NRXN2: variants seen among roughly 807,000 people sequenced by gnomAD.
NRXN2 encodes neurexin 2.
Under a neutral mutation model 128.8 loss-of-function variants are expected in NRXN2, and 29 were observed. That is an observed-to-expected ratio of 0.23 (90% CI 0.17 to 0.31). The LOEUF is 0.31. NRXN2 is among the 10% of genes least tolerant of loss of function. The probability of loss-of-function intolerance (pLI) is 1.00; values close to 1 mark genes in which losing one functional copy is unlikely to be tolerated. For missense variants in NRXN2, 1,881 were observed against 2,452.6 expected (o/e 0.77, Z 4.92); for synonymous variants, 1,098 against 1,075.2 (o/e 1.02, Z -0.41).
At chr11:64,652,181 GGGC>G (rs2047555292) in intron 12 of NRXN2, 27 bp from the exon 13 acceptor site, 1 of 1,603,564 alleles carries the variant, frequency 6.2e-7, no homozygotes, top group Admixed American at 1.7e-5. Flanking sequence ...GGAATGAGGA[GGGC>G]ACCTATACAT....
Position 64,615,829 on chromosome 11 carries a change from C to CGT in NRXN2, c.4252+4463_4252+4464dup, listed in dbSNP as rs34781745. 7.2e-3 allele frequency among the ~76,000 whole-genome samples: 1,001 copies of CGT among 139,074 alleles called. 3 individuals are homozygous for CGT. Among genetic ancestry groups the CGT allele is most frequent in the Middle Eastern group, 0.011 (3 of 282 alleles). The allele number at this position is 139,074 out of a possible 152,430, so 91.2% of individuals were successfully genotyped here. A position where few individuals can be genotyped will look rare whatever the true frequency, so the allele number is the denominator to read the frequency against. On this transcript the variant is annotated intron_variant, in intron 22 of 22. Transcript: ENST00000265459. ...CTGTGTGGGCTAATGTAGGCCCAAGCGTGTGTGTGTGTGTGTGTGTGTGTG... is the reference window on the plus strand; with the variant it reads ...CTGTGTGGGCTAATGTAGGCCCAAGCGTGTGTGTGTGTGTGTGTGTGTGTGTG...
At chr11:64,642,785 C>T in intron 17 of NRXN2, 1 of 1,164,834 alleles carries the variant, frequency 8.6e-7, no homozygotes, top group East Asian at 3.9e-5. Flanking sequence ...CCCCCCGGCC[C>T]GCTCCCCCCG....
At position 64,651,662 on chromosome 11, in the gene NRXN2, AG is replaced by A; in HGVS notation, c.2537-27del. On this transcript the variant is annotated intron_variant, in intron 13 of 22. Transcript: ENST00000265459. This position sits in a 1 kb window ranked among gnomAD's most constrained non-coding sequence, Gnocchi z 5.9. ...CTGCTCAGGACAGGAGACCAAGATG[AG>A]GGGGATGGCTTTGGGGCAGGGCTGG... is the stretch of plus-strand genomic sequence containing the variant. 12 of 1,612,094 alleles carry A rather than the reference AG, an allele frequency of 7.4e-6. No individual in the cohort carries two copies. The highest frequency in any genetic ancestry group is 9.3e-6 in the Non-Finnish European group (11 of 1,179,194).
chr11:64,655,302 G>T (rs2048098202), intron 11 of NRXN2, among the ~76,000 whole-genome samples: 1 of 152,228 alleles, frequency 6.6e-6, no homozygotes. Flanking sequence ...GCAGAAAAAG[G>T]TCAAAAGGCA....
In NRXN2 at chr11:64,653,221, G is replaced by T. The variant is rs1355234076; in HGVS notation, c.2416+475C>A. On this transcript the variant is annotated intron_variant, in intron 12 of 22. Transcript: ENST00000265459. ...ACTCACCCCAGCTAACACAGGAGCT[G>T]AAGAGGGCTCCCTTCCCACCCTCAT... is the stretch of plus-strand genomic sequence containing the variant. Among the ~76,000 whole-genome samples, 3 of 152,130 alleles carry T rather than the reference G, an allele frequency of 2.0e-5. No homozygotes were observed. In the East Asian group the frequency reaches 5.8e-4, roughly 29 times the overall value.
At chr11:64,662,090 T>TAAAA (rs35502743) in intron 9 of NRXN2, among the ~76,000 whole-genome samples, 1 of 131,464 alleles carries the variant, frequency 7.6e-6, no homozygotes, top group Non-Finnish European at 1.6e-5. Flanking sequence ...CCATCTCTAC[T>TAAAA]AAAAAAAAAA....
In NRXN2 at chr11:64,685,854, G is replaced by A. The variant is rs2052965231; in HGVS notation, c.944C>T (p.Thr315Ile). ...GCGTTGCAGGGTGCGGAAGGCCAGTGTGATCTCATCAGTGCTGCTCTGGAT... is the reference window on the plus strand; with the variant it reads ...GCGTTGCAGGGTGCGGAAGGCCAGTATGATCTCATCAGTGCTGCTCTGGAT... Reference protein sequence around the residue: ...NPIQSSTDEITLAFRTLQRNG... With the variant: ...NPIQSSTDEIILAFRTLQRNG... Residue 315 changes from threonine (T) to isoleucine (I), a missense_variant, in exon 6 of 23, where the codon ACA becomes ATA. Around this residue, in one of 7 missense-constraint regions of NRXN2, gnomAD observed 997 missense variants for 1,240.8 expected, o/e 0.80. Coordinates refer to ENST00000265459, the MANE Select transcript of NRXN2 (RefSeq NM_015080.4). The A allele has an allele frequency of 2.5e-6, 4 of 1,614,252 alleles. No homozygotes were observed. Among genetic ancestry groups the A allele is most frequent in the East Asian group, 4.5e-5 (2 of 44,888 alleles).
intron 1 of NRXN2, among the ~76,000 whole-genome samples, chr11:64,722,037 C>A (rs1023329449): frequency 2.6e-5 from 4 of 152,000 alleles, no homozygotes; most frequent in Non-Finnish European, 5.9e-5. Flanking sequence ...CAATTGTGCC[C>A]CAAAAGCCCA....
chr11:64,716,957 A>C (rs1389010618), intron 1 of NRXN2, among the ~76,000 whole-genome samples: 4 of 150,336 alleles, frequency 2.7e-5, no homozygotes, highest in African/African-American at 9.8e-5. Context: ...TCTCCCACCC[A>C]GGCCAAGGCT....
At chr11:64,715,793 TACAA>T (rs1427755742) in intron 1 of NRXN2, among the ~76,000 whole-genome samples, 1 of 152,148 alleles carries the variant, frequency 6.6e-6, no homozygotes, top group Non-Finnish European at 1.5e-5. Context: ...CCCCACTCCT[TACAA>T]ACACTGTCGG....
chr11:64,716,370 G>T (rs2057304559), intron 1 of NRXN2, among the ~76,000 whole-genome samples: 1 of 152,176 alleles, frequency 6.6e-6, no homozygotes, highest in Non-Finnish European at 1.5e-5. Flanking sequence ...TGTGGGAAAG[G>T]CGAGGGGCAG....
intron 5 of NRXN2, chr11:64,688,488 C>CT: frequency 1.0e-6 from 1 of 985,400 alleles, no homozygotes. Context: ...TGGAGGGATT[C>CT]TACTGGGGTG....
At chr11:64,690,173 A>T (rs2053605355) in intron 5 of NRXN2, among the ~76,000 whole-genome samples, 1 of 152,262 alleles carries the variant, frequency 6.6e-6, no homozygotes, top group Non-Finnish European at 1.5e-5. Flanking sequence ...TCTAGAAAGA[A>T]GTCATCAGAA....
intron 11 of NRXN2, among the ~76,000 whole-genome samples, chr11:64,658,799 G>A (rs1403917436): frequency 6.6e-6 from 1 of 152,202 alleles, no homozygotes; most frequent in Non-Finnish European, 1.5e-5. Flanking sequence ...GGCCGAGGCG[G>A]GTGGATCACG....
chr11:64,687,327 C>A (rs1272104646), intron 5 of NRXN2, among the ~76,000 whole-genome samples: 1 of 152,118 alleles, frequency 6.6e-6, no homozygotes, highest in South Asian at 2.1e-4. Flanking sequence ...GGGGGAGTTT[C>A]GGAGTGCAGA....
chr11:64,722,464 T>A (rs1345248577), intron 1 of NRXN2, among the ~76,000 whole-genome samples: 1 of 151,890 alleles, frequency 6.6e-6, no homozygotes, highest in Non-Finnish European at 1.5e-5. Context: ...AGCCTGGTCC[T>A]CAGTGGGTCC....
intron 7 of NRXN2, among the ~76,000 whole-genome samples, chr11:64,671,382 G>A (rs1168721493): frequency 6.6e-6 from 1 of 152,102 alleles, no homozygotes; most frequent in Non-Finnish European, 1.5e-5. Flanking sequence ...TCCCTCAGAC[G>A]AATCAAAGTC....
chr11:64,677,358 C>T (rs550692358), intron 6 of NRXN2, among the ~76,000 whole-genome samples: 2 of 152,192 alleles, frequency 1.3e-5, no homozygotes, highest in South Asian at 4.2e-4. Context: ...CCACCATCCC[C>T]TCCCCGAAGA....
At chr11:64,652,221 T>G (rs1017528562) in intron 12 of NRXN2, 67 bp from the exon 13 acceptor site, 1 of 1,548,166 alleles carries the variant, frequency 6.5e-7, no homozygotes, top group African/African-American at 1.4e-5. Context: ...CTATATCACC[T>G]TGGATACACA....
Sources: gnomAD v4.1 joint callset for allele counts (sites outside exome capture counted in the v4.1 genomes callset) on GRCh38, gnomAD v4.1.1 for gene constraint, gnomAD v4.1.1 regional missense constraint, Gnocchi (gnomAD v3.1) non-coding constraint, MANE v1.5 for transcripts, NCBI Gene and HGNC (gene_info 2026-07-23, HGNC 2026-07-21) for gene names.